Variants in FAM193A observed in about 807,000 individuals in gnomAD.
FAM193A encodes protein FAM193A.
A neutral mutation model predicts 126.5 loss-of-function variants in FAM193A; 22 were observed. The observed-to-expected ratio is 0.17, with a 90% CI of 0.12 to 0.25. FAM193A has a LOEUF of 0.25. Among genes scored for constraint, FAM193A ranks in the 10% least tolerant of loss-of-function variants. The pLI is 1.00. For missense variants in FAM193A, 1,675 were observed against 1,672.8 expected (o/e 1.00, Z -0.02); for synonymous variants, 761 against 646.8 (o/e 1.18, Z -2.68).
intron 7 of FAM193A, among the ~76,000 whole-genome samples, chr4:2,657,126 C>G (rs1185305526): frequency 6.6e-6 from 1 of 152,172 alleles, no homozygotes; most frequent in Non-Finnish European, 1.5e-5. Context: ...CGAGATTGTG[C>G]CACTGCACTC....
chr4:2,708,922 T>G (rs1718616908), intron 19 of FAM193A, among the ~76,000 whole-genome samples: 1 of 152,356 alleles, frequency 6.6e-6, no homozygotes, highest in East Asian at 1.9e-4. Flanking sequence ...TGTTGTCTTT[T>G]ACTTAACTGC....
At chr4:2,648,402 C>T (rs1327084520) in intron 7 of FAM193A, among the ~76,000 whole-genome samples, 1 of 152,234 alleles carries the variant, frequency 6.6e-6, no homozygotes, top group East Asian at 1.9e-4. Flanking sequence ...CCTCTGTGTC[C>T]TGTGCCTCAT....
rs912849469 is a variant in FAM193A at position 2,639,178 on chromosome 4, T to C, written c.1039-557T>C. Reference sequence around the variant, plus strand: ...CACTCTCTATGATGACTGGGACACTTCTAGGTTTTCGTGGTATTATCTAAA... The same window carrying C: ...CACTCTCTATGATGACTGGGACACTCCTAGGTTTTCGTGGTATTATCTAAA... On this transcript the variant is annotated intron_variant, in intron 5 of 20. Transcript: ENST00000637812. 2.0e-5 allele frequency among the ~76,000 whole-genome samples: 3 copies of C among 152,182 alleles called. No homozygotes were observed. The South Asian group carries it at 6.2e-4, about 32-fold the overall frequency.
intron 20 of FAM193A, among the ~76,000 whole-genome samples, chr4:2,716,822 G>A (rs556454989): frequency 7.9e-5 from 12 of 151,684 alleles, no homozygotes; most frequent in Admixed American, 3.3e-4. Context: ...GATTACAGGC[G>A]CCCACAACCA....
chr4:2,593,916 A>G (rs1740705876), intron 1 of FAM193A, among the ~76,000 whole-genome samples: 1 of 147,880 alleles, frequency 6.8e-6, no homozygotes, highest in African/African-American at 2.5e-5. Context: ...ATTTGTTGGT[A>G]TGGAAAAATA....
At chr4:2,677,667 G>T (rs927307408) in intron 13 of FAM193A, among the ~76,000 whole-genome samples, 2 of 151,572 alleles carry the variant, frequency 1.3e-5, no homozygotes, top group African/African-American at 4.9e-5. Context: ...CTTGAACCCG[G>T]GAGGCGGAGA....
At chr4:2,681,576 G>T (rs976267217) in intron 13 of FAM193A, among the ~76,000 whole-genome samples, 1 of 151,826 alleles carries the variant, frequency 6.6e-6, no homozygotes, top group African/African-American at 2.4e-5. Flanking sequence ...CCATAGTCTC[G>T]TAGCTTGGAC....
At chr4:2,558,108 A>G (rs766400691) in intron 1 of FAM193A, among the ~76,000 whole-genome samples, 1 of 152,056 alleles carries the variant, frequency 6.6e-6, no homozygotes, top group South Asian at 2.1e-4. Flanking sequence ...CCCCGTCTCT[A>G]CTAAAATATG....
At chr4:2,629,959 C>A (rs924433692) in intron 4 of FAM193A, among the ~76,000 whole-genome samples, 2 of 151,902 alleles carry the variant, frequency 1.3e-5, no homozygotes, top group African/African-American at 4.8e-5. Context: ...GGTGAAACCC[C>A]GTCTCTACTA....
chr4:2,591,762 C>A (rs1013406825), intron 1 of FAM193A, among the ~76,000 whole-genome samples: 1 of 152,086 alleles, frequency 6.6e-6, no homozygotes, highest in Non-Finnish European at 1.5e-5. Context: ...AAAACAAATG[C>A]TATTATGATT....
chr4:2,611,898 A>T (rs1327838746), intron 2 of FAM193A, among the ~76,000 whole-genome samples: 1 of 147,416 alleles, frequency 6.8e-6, no homozygotes, highest in Non-Finnish European at 1.5e-5. Flanking sequence ...GTGCAGTGGC[A>T]CTATCTCGGC....
chr4:2,607,933 A>G (rs1223822115), intron 2 of FAM193A: 19 of 1,341,138 alleles, frequency 1.4e-5, no homozygotes, highest in Non-Finnish European at 1.6e-5. Context: ...GTGTCGCTTT[A>G]TGAACACAGA....
At chr4:2,671,190 T>C (rs898001140) in intron 12 of FAM193A, among the ~76,000 whole-genome samples, 13 of 152,230 alleles carry the variant, frequency 8.5e-5, no homozygotes, top group South Asian at 2.1e-4. Context: ...GTGCATGCAC[T>C]GTGCTCTCCT....
chr4:2,694,466 A>G (rs1268271551), intron 16 of FAM193A, among the ~76,000 whole-genome samples: 1 of 151,870 alleles, frequency 6.6e-6, no homozygotes, highest in African/African-American at 2.4e-5. Flanking sequence ...ATGGGGTTTC[A>G]CCATGTTGGC....
chr4:2,570,715 T>C (rs1235743226), intron 1 of FAM193A, among the ~76,000 whole-genome samples: 1 of 152,184 alleles, frequency 6.6e-6, no homozygotes, highest in Admixed American at 6.5e-5. Context: ...GGGGACCAGT[T>C]ACCCCATGGG....
intron 1 of FAM193A, among the ~76,000 whole-genome samples, chr4:2,576,151 C>T (rs947300455): frequency 6.6e-6 from 1 of 152,148 alleles, no homozygotes; most frequent in Admixed American, 6.5e-5. Context: ...GGCTGCAGTG[C>T]AGTGGCACGA....
Position 2,701,053 on chromosome 4 carries a change from G to A in FAM193A, c.4372+509G>A, listed in dbSNP as rs112387909. Among the ~76,000 whole-genome samples the A allele has an allele frequency of 2.5e-4, 32 of 130,520 alleles. 3 individuals are homozygous for A. Among genetic ancestry groups the A allele is most frequent in the African/African-American group, 7.6e-4 (29 of 38,024 alleles). 85.6% of individuals were successfully genotyped at this position (130,520 alleles called of 152,430 possible). On this transcript the variant is annotated intron_variant, in intron 19 of 20. Transcript: ENST00000637812. ...CATCAGTATTTCCCATGTTTGCTTCGTTATTCTCTCTCTCCCTCTCTCTCT... is the reference window on the plus strand; with the variant it reads ...CATCAGTATTTCCCATGTTTGCTTCATTATTCTCTCTCTCCCTCTCTCTCT...
chr4:2,584,874 G>A (rs1467232812), intron 1 of FAM193A, among the ~76,000 whole-genome samples: 1 of 151,142 alleles, frequency 6.6e-6, no homozygotes, highest in African/African-American at 2.4e-5. Context: ...GCAGTGAGCC[G>A]AGACCGTGCC....
intron 1 of FAM193A, among the ~76,000 whole-genome samples, chr4:2,571,563 C>CT (rs1413198126): frequency 1.3e-5 from 2 of 151,060 alleles, no homozygotes; most frequent in Non-Finnish European, 2.9e-5. Flanking sequence ...TTTTTTGACA[C>CT]AGAGTTTCGC....
Sources: allele counts gnomAD v4.1 joint callset (sites outside exome capture counted in the v4.1 genomes callset), GRCh38; gene constraint gnomAD v4.1.1; transcripts MANE v1.5; gene names NCBI Gene and HGNC (gene_info 2026-07-23, HGNC 2026-07-21).